Variants in OTC observed in about 807,000 individuals in gnomAD.
OTC encodes the protein ornithine transcarbamylase, mitochondrial.
A neutral mutation model predicts 30.3 loss-of-function variants in OTC; 3 were observed. The ratio of observed to expected loss-of-function variants is 0.10; its 90% CI spans 0.05 to 0.26. OTC has a LOEUF of 0.26. Ranked by LOEUF, OTC falls within the 10% of genes least tolerant of loss-of-function variation. The pLI, the probability that OTC is intolerant of heterozygous loss-of-function variation, is 1.00. For missense variants in OTC, 194 were observed against 260.3 expected (o/e 0.75, Z 1.75); for synonymous variants, 111 against 99.7 (o/e 1.11, Z -0.67).
In OTC at chrX:38,411,900, C is replaced by G. The variant is rs67870244; in HGVS notation, c.906C>G (p.His302Gln). Residue 302 changes from histidine to glutamine, a missense_variant, in exon 9 of 10, where the codon CAC becomes CAG. His to Gln is a conservative substitution (Grantham distance 24, BLOSUM62 0). Coordinates refer to ENST00000039007, the MANE Select transcript of OTC (RefSeq NM_000531.6). ...KVAASDWTFL[H>Q]CLPRKPEEVD... ...CTGCCTCTGACTGGACATTTTTACACTGCTTGCCCAGAAAGCCAGAAGAAG... is the reference window on the plus strand; with the variant it reads ...CTGCCTCTGACTGGACATTTTTACAGTGCTTGCCCAGAAAGCCAGAAGAAG... 8.3e-7 allele frequency: 1 copy of G among 1,210,908 alleles called. No individual in the cohort carries two copies. Among genetic ancestry groups the G allele is most frequent in the Non-Finnish European group, 1.1e-6 (1 of 894,632 alleles).
chrX:38,381,493 A>G lies in OTC; in HGVS notation c.386+64A>G. ...AATCTGATGGATAAATTTCAAAAATAAAACATAATTCTCTTTAAATAATGG... is the reference window on the plus strand; with the variant it reads ...AATCTGATGGATAAATTTCAAAAATGAAACATAATTCTCTTTAAATAATGG... On this transcript the variant is annotated intron_variant, in intron 4 of 9. Transcript: ENST00000039007. 2.1e-5 allele frequency: 15 copies of G among 730,757 alleles called. No homozygotes were observed. The South Asian group carries it at 3.3e-4, about 16-fold the overall frequency. 60.2% of individuals were successfully genotyped at this position (730,757 alleles called of 1,213,427 possible).
chrX:38,372,970 C>T (rs1213827524), intron 3 of OTC, among the ~76,000 whole-genome samples: 1 of 112,265 alleles, frequency 8.9e-6, no homozygotes, highest in East Asian at 2.8e-4. Context: ...GTTCACATTC[C>T]TACTTATCTC....
At position 38,373,393 on chromosome X, in the gene OTC, C is replaced by T. The variant is rs191666088; in HGVS notation, c.298+3516C>T. On this transcript the variant is annotated intron_variant, in intron 3 of 9. Coordinates refer to ENST00000039007, the MANE Select transcript of OTC (RefSeq NM_000531.6). ...AGTTGTAGATCATTCATGCCTCATC[C>T]ACTCTTTGTGTGTGCCTGCCTGGCA... 3.2e-3 allele frequency among the ~76,000 whole-genome samples: 361 copies of T among 112,644 alleles called. 2 individuals carry two copies. The highest frequency in any genetic ancestry group is 0.011 in the African/African-American group (341 of 31,049).
intron 9 of OTC, among the ~76,000 whole-genome samples, chrX:38,415,264 A>G (rs2068564973): frequency 9.3e-6 from 1 of 107,681 alleles, no homozygotes; most frequent in African/African-American, 3.4e-5. Flanking sequence ...TTTTTAGTAG[A>G]GGCAGGGCTT....
chrX:38,357,916 G>T (rs1475549637), intron 1 of OTC, among the ~76,000 whole-genome samples: 1 of 111,703 alleles, frequency 9.0e-6, no homozygotes, highest in Non-Finnish European at 1.9e-5. Context: ...TGACAGTTTT[G>T]ATGGAGTATT....
At chrX:38,386,287 C>T (rs1180415051) in intron 4 of OTC, among the ~76,000 whole-genome samples, 9 of 106,173 alleles carry the variant, frequency 8.5e-5, no homozygotes, top group Non-Finnish European at 1.2e-4. Context: ...GCAGGAGAAT[C>T]GCTTGAACCC....
At chrX:38,331,862 A>G in the OTC span, among the ~76,000 whole-genome samples, 1 of 111,339 alleles carries the variant, frequency 9.0e-6, no homozygotes, top group Admixed American at 9.5e-5. Flanking sequence ...GATTACAGGT[A>G]TGAACCACTG....
chrX:38,422,860 C>T (rs2068602150), downstream of OTC, among the ~76,000 whole-genome samples: 1 of 111,434 alleles, frequency 9.0e-6, no homozygotes, highest in Non-Finnish European at 1.9e-5. Flanking sequence ...ATTACAACTC[C>T]GAAGTTTAAC....
chrX:38,374,934 A>T (rs1372041501), intron 3 of OTC, among the ~76,000 whole-genome samples: 5 of 112,523 alleles, frequency 4.4e-5, no homozygotes, highest in Non-Finnish European at 9.4e-5. Context: ...ACTAAACTTC[A>T]TTACGTTGCT....
chrX:38,344,230 TATATATATATACAC>T, the OTC span, among the ~76,000 whole-genome samples: 18,189 of 64,455 alleles, frequency 0.28, 1,425 homozygotes, highest in Middle Eastern at 0.42. Flanking sequence ...CTTTTGGTGA[TATATATATATACAC>T]ACACACACAC....
At chrX:38,339,235 G>C in the OTC span, among the ~76,000 whole-genome samples, 5 of 111,446 alleles carry the variant, frequency 4.5e-5, no homozygotes, top group African/African-American at 9.8e-5. Flanking sequence ...CTGGAGGAGA[G>C]AGTTAAACTA....
intron 1 of OTC, among the ~76,000 whole-genome samples, chrX:38,359,914 CTTTTTTTTT>C (rs57184116): frequency 3.4e-4 from 32 of 94,524 alleles, no homozygotes; most frequent in African/African-American, 1.1e-3. Context: ...TTCTTTCTTT[CTTTTTTTTT>C]TTTTTGTTTT....
rs1388386866 is a variant in OTC, at chrX:38,408,920, G to A, written c.762G>A (p.Ala254=). Residue 254 remains alanine, a synonymous_variant, in exon 8 of 10, where the codon GCG becomes GCA. Coordinates refer to ENST00000039007, the MANE Select transcript of OTC (RefSeq NM_000531.6). ...TGACAAATGATCCATTGGAAGCAGC[G>A]CATGGAGGCAATGTATTAATTACAG... ...LLLTNDPLEA[A]HGGNVLITDT... 6.6e-6 allele frequency: 8 copies of A among 1,208,401 alleles called. No homozygotes were observed. The highest frequency in any genetic ancestry group is 8.9e-6 in the Non-Finnish European group (8 of 894,072).
chrX:38,419,667 A>G (rs192960686), intron 9 of OTC, among the ~76,000 whole-genome samples: 1 of 112,049 alleles, frequency 8.9e-6, no homozygotes, highest in East Asian at 2.8e-4. Context: ...TGATTTATGT[A>G]TGTCGATTTC....
At chrX:38,358,605 A>G (rs1050803300) in intron 1 of OTC, among the ~76,000 whole-genome samples, 1 of 102,959 alleles carries the variant, frequency 9.7e-6, no homozygotes, top group African/African-American at 3.5e-5. Flanking sequence ...ACCCCCCCTC[A>G]CTAGCTGTGG....
chrX:38,347,906 A>G (rs941995705), upstream of OTC, among the ~76,000 whole-genome samples: 1 of 111,776 alleles, frequency 8.9e-6, no homozygotes, highest in Non-Finnish European at 1.9e-5. Flanking sequence ...TCCCTCTTCA[A>G]TGCTTGGATT....
chrX:38,329,901 G>A, the OTC span, among the ~76,000 whole-genome samples: 34 of 111,771 alleles, frequency 3.0e-4, no homozygotes, highest in African/African-American at 1.0e-3. Context: ...CTGTAAAGGG[G>A]CTCTTGAGCC....
At chrX:38,358,052 G>T (rs2068250891) in intron 1 of OTC, among the ~76,000 whole-genome samples, 1 of 111,161 alleles carries the variant, frequency 9.0e-6, no homozygotes, top group Non-Finnish European at 1.9e-5. Context: ...TTTACTTCTT[G>T]TACACTTTGG....
the OTC span, among the ~76,000 whole-genome samples, chrX:38,340,473 G>GTTTTTTTT: frequency 3.6e-5 from 2 of 56,127 alleles, no homozygotes; most frequent in Admixed American, 2.3e-4. Flanking sequence ...TTTTTTTTTT[G>GTTTTTTTT]TTTTTTTTTT....
Sources: allele counts gnomAD v4.1 joint callset (sites outside exome capture counted in the v4.1 genomes callset), GRCh38; gene constraint gnomAD v4.1.1; transcripts MANE v1.5; gene names NCBI Gene and HGNC (gene_info 2026-07-23, HGNC 2026-07-21).